SYT12: variants seen among roughly 807,000 people sequenced by gnomAD.
SYT12 encodes synaptotagmin-12.
Under a neutral mutation model 39.5 loss-of-function variants are expected in SYT12, and 27 were observed. The observed-to-expected ratio is 0.68, with a 90% CI of 0.50 to 0.94. The LOEUF (loss-of-function observed/expected upper bound fraction) is 0.94. Ranked by LOEUF, SYT12 falls within the 40% of genes least tolerant of loss-of-function variation. SYT12 has a pLI of 0.00. For missense variants in SYT12, 536 were observed against 572.6 expected (o/e 0.94, Z 0.65); for synonymous variants, 233 against 239.7 (o/e 0.97, Z 0.26).
At chr11:67,048,159 T>A (rs1176952926) in intron 7 of SYT12, among the ~76,000 whole-genome samples, 2 of 150,448 alleles carry the variant, frequency 1.3e-5, no homozygotes, top group African/African-American at 4.9e-5. Context: ...TAATCCCAGC[T>A]ACTTGGGAGG....
chr11:67,035,002 CTTTTT>C (rs11316433), intron 3 of SYT12, among the ~76,000 whole-genome samples, 164 bp downstream of exon 3: 1 of 112,096 alleles, frequency 8.9e-6, no homozygotes, highest in African/African-American at 3.8e-5. Flanking sequence ...ACATCTTCAA[CTTTTT>C]TTTTTTTTTT....
intron 4 of SYT12, among the ~76,000 whole-genome samples, chr11:67,043,067 G>C (rs181784649): frequency 2.6e-5 from 4 of 152,152 alleles, no homozygotes; most frequent in African/African-American, 9.7e-5. Context: ...GACAGAGCCC[G>C]CAATGCACCT....
chr11:67,048,268 CAAAA>C (rs562190914), intron 7 of SYT12, among the ~76,000 whole-genome samples: 2 of 82,856 alleles, frequency 2.4e-5, no homozygotes, highest in Admixed American at 1.4e-4. Flanking sequence ...GAGACTGTCT[CAAAA>C]AAAAAAAAAA....
At chr11:67,020,852 C>T (rs547886272), upstream of SYT12, among the ~76,000 whole-genome samples, 1 of 152,298 alleles carries the variant, frequency 6.6e-6, no homozygotes, top group Non-Finnish European at 1.5e-5. Flanking sequence ...CCTCAGCCTC[C>T]CGAGTAGCTG....
chr11:67,043,482 T>A (rs1458147682), intron 4 of SYT12, among the ~76,000 whole-genome samples, 156 bp from the exon 5 acceptor site: 1 of 152,128 alleles, frequency 6.6e-6, no homozygotes. Flanking sequence ...CTTTTAAACC[T>A]TCAAGGCTGA....
chr11:67,022,309 C>T (rs1950117831), upstream of SYT12, among the ~76,000 whole-genome samples: 1 of 152,170 alleles, frequency 6.6e-6, no homozygotes, highest in African/African-American at 2.4e-5. Context: ...CACTTGCTCC[C>T]CATCTGGGAT....
upstream of SYT12, among the ~76,000 whole-genome samples, chr11:67,018,910 C>T (rs1237534161): frequency 6.6e-6 from 1 of 152,194 alleles, no homozygotes; most frequent in Non-Finnish European, 1.5e-5. Flanking sequence ...GCTGGTGCCT[C>T]ATGAGCTGAG....
At chr11:67,026,418 C>T (rs1021899651) in intron 1 of SYT12, among the ~76,000 whole-genome samples, 1 of 152,098 alleles carries the variant, frequency 6.6e-6, no homozygotes, top group Admixed American at 6.6e-5. Flanking sequence ...GGATTACAGG[C>T]ATGTGCCACC....
intron 3 of SYT12, among the ~76,000 whole-genome samples, chr11:67,017,789 G>A (rs1196818111): frequency 4.6e-5 from 7 of 151,172 alleles, no homozygotes; most frequent in Non-Finnish European, 4.4e-5. Context: ...GTGAAACCCC[G>A]TCTCTACTAA....
At chr11:67,013,033 C>G (rs1414903924) in intron 3 of SYT12, among the ~76,000 whole-genome samples, 1 of 152,198 alleles carries the variant, frequency 6.6e-6, no homozygotes, top group Admixed American at 6.5e-5. Flanking sequence ...GAGTGAGTCC[C>G]TGTCCTCACA....
At chr11:67,042,902 G>T (rs1950540244) in intron 4 of SYT12, among the ~76,000 whole-genome samples, 1 of 152,192 alleles carries the variant, frequency 6.6e-6, no homozygotes, top group Non-Finnish European at 1.5e-5. Context: ...TTCCAGGGAA[G>T]GCAAGCTTCC....
upstream of SYT12, among the ~76,000 whole-genome samples, chr11:67,019,966 G>A (rs1950092787): frequency 1.3e-5 from 2 of 151,294 alleles, no homozygotes; most frequent in African/African-American, 4.9e-5. Flanking sequence ...GTGTGGCCTT[G>A]GGCGCCTTTT....
rs1379266950 is a variant in SYT12 at position 67,040,149 on chromosome 11, C to T, written c.567C>T (p.Ser189=). 6.2e-7 allele frequency: 1 copy of T among 1,605,964 alleles called. No individual in the cohort carries two copies. The highest frequency in any genetic ancestry group is 8.5e-7 in the Non-Finnish European group (1 of 1,174,864). ...LLEREEASFE[S]CFMRVSLLPD... Reference sequence around the variant, plus strand: ...AGCGGGAGGAGGCCAGCTTCGAGTCCTGCTTCATGCGCGTCAGCCTGCTGC... The same window carrying T: ...AGCGGGAGGAGGCCAGCTTCGAGTCTTGCTTCATGCGCGTCAGCCTGCTGC... Residue 189 remains serine (S), a synonymous_variant, in exon 4 of 8, where the codon TCC becomes TCT. Coordinates refer to ENST00000527043, the MANE Select transcript of SYT12 (RefSeq NM_177963.4).
At chr11:67,009,978 C>T (rs1725263449) in exon 2 of SYT12, 1 of 152,242 alleles carries the variant, frequency 6.6e-6, no homozygotes, top group Admixed American at 6.6e-5. Flanking sequence ...GCATTCCAGG[C>T]AAAAGGAACT....
exon 2 of SYT12, chr11:67,009,993 C>G (rs1219575779): frequency 6.6e-6 from 1 of 152,260 alleles, no homozygotes; most frequent in African/African-American, 2.4e-5. Context: ...GGAACTGCAT[C>G]GAGTAAAAGC....
chr11:67,035,837 C>CCTTCCTTCCTTCCTTTCTTTCTTTCTTT (rs1412426648), intron 3 of SYT12, among the ~76,000 whole-genome samples: 2 of 111,142 alleles, frequency 1.8e-5, no homozygotes, highest in African/African-American at 8.6e-5. Flanking sequence ...TTCCTTCCTT[C>CCTTCCTTCCTTCCTTTCTTTCTTTCTTT]CTTTCTTTCT....
chr11:67,043,709 G>A lies in SYT12; in HGVS notation c.693G>A (p.Glu231=). 6.2e-7 allele frequency: 1 copy of A among 1,614,144 alleles called. No individual in the cohort carries two copies. The highest frequency in any genetic ancestry group is 8.5e-7 in the Non-Finnish European group (1 of 1,180,044). The change falls in exon 5 of 8, where the codon GAG becomes GAA. Residue 231 remains glutamate, a synonymous_variant. Coordinates refer to ENST00000527043, the MANE Select transcript of SYT12 (RefSeq NM_177963.4). ...TCCCCCTGGATCCCACAGCCCTGGA[G>A]GAGAAGAGCCTGCGGTTTTCTGTAT... ...FSIPLDPTAL[E]EKSLRFSVFG... is the part of the protein sequence containing the mutation.
intron 3 of SYT12, among the ~76,000 whole-genome samples, chr11:67,036,577 T>C (rs1157003410): frequency 1.3e-5 from 2 of 152,186 alleles, no homozygotes; most frequent in African/African-American, 4.8e-5. Flanking sequence ...GAGTCCCTCA[T>C]GTTCACTCAC....
chr11:67,026,349 T>G (rs1014131049), intron 1 of SYT12, among the ~76,000 whole-genome samples: 1 of 152,196 alleles, frequency 6.6e-6, no homozygotes, highest in Non-Finnish European at 1.5e-5. Flanking sequence ...CTTGGCTCAC[T>G]GCAACCTCCA....
Sources: gnomAD v4.1 joint callset for allele counts (sites outside exome capture counted in the v4.1 genomes callset) on GRCh38, gnomAD v4.1.1 for gene constraint, MANE v1.5 for transcripts, NCBI Gene and HGNC (gene_info 2026-07-23, HGNC 2026-07-21) for gene names.